Variants in ADGRV1 observed in about 807,000 individuals in gnomAD.
ADGRV1 encodes the protein adhesion G protein-coupled receptor V1.
In ADGRV1, 359 loss-of-function variants were observed where a neutral mutation model predicts 596.2. That is an observed-to-expected ratio of 0.60 (90% CI 0.55 to 0.66). The LOEUF (loss-of-function observed/expected upper bound fraction) is 0.66. Among genes scored for constraint, ADGRV1 ranks in the 30% least tolerant of loss-of-function variants. ADGRV1 has a pLI of 0.00. For synonymous variants in ADGRV1, 2,681 were observed against 2,679.2 expected (o/e 1.00, Z -0.02); for missense variants, 7,274 against 7,575.6 (o/e 0.96, Z 1.48).
At chr5:90,937,524 C>T (rs1387892386) in intron 83 of ADGRV1, among the ~76,000 whole-genome samples, 1 of 147,170 alleles carries the variant, frequency 6.8e-6, no homozygotes, top group Admixed American at 7.0e-5. Context: ...GTGGCGTGAT[C>T]GCGGCTCACT....
chr5:90,601,009 G>T (rs1051295267), intron 1 of ADGRV1, among the ~76,000 whole-genome samples: 52 of 152,102 alleles, frequency 3.4e-4, no homozygotes, highest in African/African-American at 1.2e-3. Flanking sequence ...GGCCGAGGCG[G>T]GTGGATCACC....
Position 90,756,476 on chromosome 5 carries a change from A to T in ADGRV1, c.11603A>T (p.Glu3868Val). 6.5e-7 allele frequency: 1 copy of T among 1,540,298 alleles called. No individual in the cohort carries two copies. Among genetic ancestry groups the T allele is most frequent in the Non-Finnish European group, 8.8e-7 (1 of 1,142,742 alleles). Residue 3868 changes from glutamate (E) to valine (V), a missense_variant, in exon 56 of 90, where the codon GAA becomes GTA. Glu to Val is a moderately radical substitution (Grantham distance 121, BLOSUM62 -2). This residue lies in a region of ADGRV1 where 3,643 missense variants were observed against 3,809.2 expected (regional missense o/e 0.96). Transcript: ENST00000405460. ...ILPDDLPELE[E>V]GFIVTITEVN... ...CAGGATGACCTTCCTGAATTGGAGGAAGGATTTATTGTCACTATCACTGAG... is the reference window on the plus strand; with the variant it reads ...CAGGATGACCTTCCTGAATTGGAGGTAGGATTTATTGTCACTATCACTGAG...
intron 85 of ADGRV1, among the ~76,000 whole-genome samples, chr5:90,992,532 G>A (rs150514294): frequency 1.3e-4 from 20 of 152,264 alleles, no homozygotes; most frequent in Admixed American, 3.3e-4. Context: ...TCCAATCTCC[G>A]TGTAGTTCTT....
intron 85 of ADGRV1, among the ~76,000 whole-genome samples, chr5:91,045,816 T>A (rs1785755626): frequency 6.6e-6 from 1 of 152,174 alleles, no homozygotes; most frequent in Non-Finnish European, 1.5e-5. Flanking sequence ...ATAAAAGAAT[T>A]CAGCAAAGTT....
intron 57 of ADGRV1, among the ~76,000 whole-genome samples, chr5:90,759,123 G>T (rs1478319548): frequency 6.6e-6 from 1 of 151,846 alleles, no homozygotes; most frequent in African/African-American, 2.4e-5. Flanking sequence ...GTTTTATCTT[G>T]AAAATAATAG....
intron 88 of ADGRV1, among the ~76,000 whole-genome samples, chr5:91,152,485 A>G (rs1025097325): frequency 1.6e-4 from 24 of 152,184 alleles, no homozygotes; most frequent in Non-Finnish European, 8.8e-5. Context: ...TTACCAAAAA[A>G]AAGTATTTAT....
chr5:90,922,940 CCA>C (rs2150747687), intron 83 of ADGRV1, among the ~76,000 whole-genome samples: 1 of 152,280 alleles, frequency 6.6e-6, no homozygotes, highest in African/African-American at 2.4e-5. Flanking sequence ...TCAAAACCTT[CCA>C]CAGAGTATCT....
At chr5:90,687,715 A>G (rs1238533967) in intron 29 of ADGRV1, among the ~76,000 whole-genome samples, 1 of 152,186 alleles carries the variant, frequency 6.6e-6, no homozygotes, top group African/African-American at 2.4e-5. Context: ...AGGATACAAA[A>G]TCAATGTACA....
At chr5:90,986,797 G>A (rs554878990) in intron 85 of ADGRV1, among the ~76,000 whole-genome samples, 92 of 152,036 alleles carry the variant, frequency 6.1e-4, no homozygotes, top group Non-Finnish European at 1.2e-3. Flanking sequence ...AATTTAAATC[G>A]TGGACTGCCA....
chr5:90,759,951 G>A (rs1246965704), intron 58 of ADGRV1: 1 of 82,234 alleles, frequency 1.2e-5, no homozygotes, highest in African/African-American at 5.2e-5. Flanking sequence ...GCGACATAGA[G>A]AGACTCCATC....
intron 1 of ADGRV1, among the ~76,000 whole-genome samples, chr5:90,599,662 C>T (rs1356652487): frequency 6.6e-6 from 1 of 151,772 alleles, no homozygotes; most frequent in African/African-American, 2.4e-5. Context: ...CCAGAGAAGC[C>T]CAATCTCAGA....
chr5:91,025,722 C>T (rs971022268), intron 85 of ADGRV1, among the ~76,000 whole-genome samples: 5 of 152,092 alleles, frequency 3.3e-5, no homozygotes, highest in Admixed American at 2.6e-4. Flanking sequence ...GCCGCAAAAC[C>T]CACACATTTT....
intron 86 of ADGRV1, among the ~76,000 whole-genome samples, chr5:91,087,887 A>T (rs771304605): frequency 3.9e-5 from 6 of 152,168 alleles, no homozygotes; most frequent in Admixed American, 6.5e-5. Flanking sequence ...CATGCTTTTA[A>T]TCATTCTGCC....
chr5:90,669,554 T>C (rs1409226157), intron 21 of ADGRV1, among the ~76,000 whole-genome samples: 1 of 152,232 alleles, frequency 6.6e-6, no homozygotes, highest in African/African-American at 2.4e-5. Context: ...TGGCATATTA[T>C]CTTTAAAAAA....
In ADGRV1 at chr5:90,788,238, A is replaced by G. The variant is rs759431938; in HGVS notation, c.13821A>G (p.Thr4607=). 4 of 1,612,996 alleles carry G rather than the reference A, an allele frequency of 2.5e-6. No individual in the cohort carries two copies. Among genetic ancestry groups the G allele is most frequent in the Non-Finnish European group, 3.4e-6 (4 of 1,178,976 alleles). Residue 4607 remains threonine, a synonymous_variant, in exon 68 of 90, where the codon ACA becomes ACG. Coordinates refer to ENST00000405460, the MANE Select transcript of ADGRV1 (RefSeq NM_032119.4). ...YPHEEIEVEE[T]FIIKLHLVKG... Reference sequence around the variant, plus strand: ...ATGAAGAAATTGAAGTTGAAGAGACATTCATTATTAAACTTCATCTTGTGA... The same window carrying G: ...ATGAAGAAATTGAAGTTGAAGAGACGTTCATTATTAAACTTCATCTTGTGA...
At chr5:90,662,859 G>A (rs1770604305) in intron 21 of ADGRV1, among the ~76,000 whole-genome samples, 1 of 151,912 alleles carries the variant, frequency 6.6e-6, no homozygotes, top group South Asian at 2.1e-4. Context: ...AGAATATGTG[G>A]TGTTTGGTTT....
intron 17 of ADGRV1, among the ~76,000 whole-genome samples, chr5:90,649,599 C>T (rs1423402414): frequency 6.6e-6 from 1 of 152,196 alleles, no homozygotes; most frequent in African/African-American, 2.4e-5. Flanking sequence ...AGCAATTCTC[C>T]TGCCTCAGCC....
In ADGRV1 at chr5:90,809,293, TACACAC is replaced by T. The variant is rs60659185; in HGVS notation, c.14973-911_14973-906del. On this transcript the variant is annotated intron_variant, in intron 73 of 89. Coordinates refer to ENST00000405460, the MANE Select transcript of ADGRV1 (RefSeq NM_032119.4). Reference sequence around the variant, plus strand: ...GTGCTTACTCTAGGCCGGGCATAAATACACACACACACACACACACACACACACACA... The same window carrying T: ...GTGCTTACTCTAGGCCGGGCATAAATACACACACACACACACACACACACA... Among the ~76,000 whole-genome samples, 9 of 134,622 alleles carry T rather than the reference TACACAC, an allele frequency of 6.7e-5. No homozygotes were observed. The East Asian group carries it at 8.7e-4, about 13-fold the overall frequency. The allele number at this position is 134,622 out of a possible 152,430, so 88.3% of individuals were successfully genotyped here.
intron 83 of ADGRV1, among the ~76,000 whole-genome samples, chr5:90,918,242 T>C (rs1773558674): frequency 6.6e-6 from 1 of 152,118 alleles, no homozygotes; most frequent in Non-Finnish European, 1.5e-5. Flanking sequence ...CTGGTTTTAG[T>C]GACCCCACAG....
Sources: gnomAD v4.1 joint callset for allele counts (sites outside exome capture counted in the v4.1 genomes callset) on GRCh38, gnomAD v4.1.1 for gene constraint, gnomAD v4.1.1 regional missense constraint, MANE v1.5 for transcripts, NCBI Gene and HGNC (gene_info 2026-07-23, HGNC 2026-07-21) for gene names.